Variants in CSNK1G3 observed in about 807,000 individuals in gnomAD.
CSNK1G3 encodes the protein casein kinase I isoform gamma-3.
In CSNK1G3, 23 loss-of-function variants were observed where a neutral mutation model predicts 64.3. That is an observed-to-expected ratio of 0.36 (90% CI 0.26 to 0.51). The LOEUF is 0.51. Among genes scored for constraint, CSNK1G3 ranks in the 20% least tolerant of loss-of-function variants. CSNK1G3 has a pLI of 0.96. For synonymous variants in CSNK1G3, 158 were observed against 162.2 expected, an observed-to-expected ratio of 0.97 and a Z score of 0.20; for missense variants, 357 against 510.5, an observed-to-expected ratio of 0.70 and a Z score of 2.90.
chr5:123,601,819 T>C (rs1199051226), intron 10 of CSNK1G3, among the ~76,000 whole-genome samples: 1 of 152,046 alleles, frequency 6.6e-6, no homozygotes, highest in Non-Finnish European at 1.5e-5. Flanking sequence ...ACCTGTTGAA[T>C]AGTATGTTGA....
intron 1 of CSNK1G3, among the ~76,000 whole-genome samples, chr5:123,538,688 A>G (rs1393729072): frequency 6.6e-6 from 1 of 152,172 alleles, no homozygotes; most frequent in Non-Finnish European, 1.5e-5. Context: ...TGTGTAACAA[A>G]CCTGCACGTT....
chr5:123,542,305 C>G (rs560907992), intron 1 of CSNK1G3, among the ~76,000 whole-genome samples: 67 of 152,044 alleles, frequency 4.4e-4, no homozygotes, highest in Non-Finnish European at 8.1e-4. Context: ...TTTACAACTC[C>G]CCCTCCTTGC....
chr5:123,603,080 G>T (rs112646690), intron 10 of CSNK1G3, among the ~76,000 whole-genome samples: 14 of 152,070 alleles, frequency 9.2e-5, no homozygotes, highest in African/African-American at 3.4e-4. Context: ...ATCAGCTAGC[G>T]CCAAGTGATT....
At chr5:123,600,020 A>T (rs1223085533) in intron 10 of CSNK1G3, among the ~76,000 whole-genome samples, 1 of 152,124 alleles carries the variant, frequency 6.6e-6, no homozygotes, top group Non-Finnish European at 1.5e-5. Flanking sequence ...ATCTTTTGGA[A>T]TACCAAGAGT....
intron 6 of CSNK1G3, among the ~76,000 whole-genome samples, chr5:123,580,861 T>A (rs1790106964): frequency 6.6e-6 from 1 of 151,870 alleles, no homozygotes; most frequent in Non-Finnish European, 1.5e-5. Flanking sequence ...ATAAAAAAAC[T>A]AGGATTTGAG....
At chr5:123,580,359 A>C (rs1790008026) in intron 6 of CSNK1G3, among the ~76,000 whole-genome samples, 1 of 151,998 alleles carries the variant, frequency 6.6e-6, no homozygotes, top group African/African-American at 2.4e-5. Context: ...TAAAAAGGAA[A>C]AAGATGTTCC....
intron 1 of CSNK1G3, among the ~76,000 whole-genome samples, chr5:123,537,505 G>C (rs546714971): frequency 5.3e-4 from 81 of 152,160 alleles, no homozygotes; most frequent in African/African-American, 1.5e-3. Context: ...GATGGTAAAA[G>C]CCCTGAGGTT....
In CSNK1G3 at chr5:123,530,086, C is replaced by CA. The variant is rs780395896; in HGVS notation, c.-247-15317dup. 3.7e-3 allele frequency among the ~76,000 whole-genome samples: 467 copies of CA among 127,672 alleles called. 1 individual carries two copies. Among genetic ancestry groups the CA allele is most frequent in the Middle Eastern group, 7.9e-3 (2 of 252 alleles). The allele number at this position is 127,672 out of a possible 152,430, so 83.8% of individuals were successfully genotyped here. On this transcript the variant is annotated intron_variant, in intron 1 of 12. Transcript: ENST00000345990. The stretch of plus-strand genomic sequence containing the variant: ...TGGGTGACAAAGTGAGACCCTGTCT[C>CA]AAAAAAAAAAAAAATCATAAATTAA...
intron 9 of CSNK1G3, among the ~76,000 whole-genome samples, chr5:123,590,866 C>T (rs909082932): frequency 6.6e-6 from 1 of 151,700 alleles, no homozygotes; most frequent in African/African-American, 2.4e-5. Flanking sequence ...ACTTCAATCC[C>T]TTGATGAAAA....
At chr5:123,613,710 A>AT (rs1429410440) in intron 12 of CSNK1G3, among the ~76,000 whole-genome samples, 3 of 151,866 alleles carry the variant, frequency 2.0e-5, no homozygotes, top group Non-Finnish European at 2.9e-5. Flanking sequence ...TCAGTATTAT[A>AT]TTTTTTTGCA....
At chr5:123,529,249 G>C (rs544704873) in intron 1 of CSNK1G3, among the ~76,000 whole-genome samples, 3 of 152,162 alleles carry the variant, frequency 2.0e-5, no homozygotes, top group Non-Finnish European at 4.4e-5. Flanking sequence ...ACAAAGTTAC[G>C]TATTGATTGG....
intron 1 of CSNK1G3, among the ~76,000 whole-genome samples, chr5:123,539,469 G>A (rs936200868): frequency 6.6e-6 from 1 of 151,412 alleles, no homozygotes; most frequent in Non-Finnish European, 1.5e-5. Context: ...TATCCCTGTG[G>A]GTTTTCTTTT....
chr5:123,522,987 C>T (rs1054406893), intron 1 of CSNK1G3, among the ~76,000 whole-genome samples: 1 of 151,984 alleles, frequency 6.6e-6, no homozygotes, highest in Non-Finnish European at 1.5e-5. Context: ...AGTGATATCT[C>T]TAAAGTTATT....
intron 6 of CSNK1G3, among the ~76,000 whole-genome samples, chr5:123,585,720 G>A (rs1399848903): frequency 6.6e-6 from 1 of 152,162 alleles, no homozygotes; most frequent in Admixed American, 6.5e-5. Flanking sequence ...TCCATACTTT[G>A]AAGTTTGCTT....
At chr5:123,526,736 G>C (rs1033126044) in intron 1 of CSNK1G3, among the ~76,000 whole-genome samples, 2 of 152,116 alleles carry the variant, frequency 1.3e-5, no homozygotes, top group Admixed American at 1.3e-4. Flanking sequence ...ATTGTAGCGA[G>C]TGTCAGTGGT....
At chr5:123,605,727 G>T (rs1280179866) in intron 12 of CSNK1G3, among the ~76,000 whole-genome samples, 3 of 151,954 alleles carry the variant, frequency 2.0e-5, no homozygotes, top group Admixed American at 1.3e-4. Flanking sequence ...CTTTGCAATT[G>T]TTAAATACAT....
At chr5:123,578,214 A>T (rs1322509833) in intron 6 of CSNK1G3, among the ~76,000 whole-genome samples, 1 of 151,842 alleles carries the variant, frequency 6.6e-6, no homozygotes, top group Non-Finnish European at 1.5e-5. Flanking sequence ...GGCAGGTATT[A>T]TTTAACTTTA....
chr5:123,552,301 A>G (rs921890973), intron 2 of CSNK1G3, among the ~76,000 whole-genome samples: 1 of 151,972 alleles, frequency 6.6e-6, no homozygotes, highest in Admixed American at 6.6e-5. Context: ...GTGCGCCACC[A>G]TGCCTGTCTA....
At chr5:123,585,325 G>T (rs568654330) in intron 6 of CSNK1G3, among the ~76,000 whole-genome samples, 4 of 151,912 alleles carry the variant, frequency 2.6e-5, no homozygotes, top group African/African-American at 9.6e-5. Flanking sequence ...ACTTCAAAAT[G>T]AGTAATAGGT....
Sources: gnomAD v4.1 joint callset for allele counts (sites outside exome capture counted in the v4.1 genomes callset) on GRCh38, gnomAD v4.1.1 for gene constraint, MANE v1.5 for transcripts, NCBI Gene and HGNC (gene_info 2026-07-23, HGNC 2026-07-21) for gene names.